PPIH: variants seen among roughly 807,000 people sequenced by gnomAD.
The protein encoded by PPIH is peptidyl-prolyl cis-trans isomerase H.
A neutral mutation model predicts 27.6 loss-of-function variants in PPIH; 16 were observed. The ratio of observed to expected loss-of-function variants is 0.58; its 90% CI spans 0.39 to 0.88. The LOEUF is 0.88. PPIH is among the 40% of genes least tolerant of loss of function. The probability of loss-of-function intolerance (pLI) is 0.00; values close to 1 mark genes in which losing one functional copy is unlikely to be tolerated. For missense variants in PPIH, 155 were observed against 224.1 expected, an observed-to-expected ratio of 0.69 and a Z score of 1.97; for synonymous variants, 63 against 76.1, an observed-to-expected ratio of 0.83 and a Z score of 0.90.
chr1:42,659,133 C>T (rs373063945), intron 2 of PPIH, 95 bp from the exon 3 acceptor site: 16 of 1,564,404 alleles, frequency 1.0e-5, no homozygotes, highest in South Asian at 2.4e-5. Context: ...GATTGGTGGA[C>T]TTGCTGGCTC....
downstream of PPIH, among the ~76,000 whole-genome samples, chr1:42,679,508 T>C (rs147567717): frequency 6.6e-6 from 1 of 152,326 alleles, no homozygotes; most frequent in African/African-American, 2.4e-5. Context: ...AAACAGCTTA[T>C]CCTCAGGCTC....
downstream of PPIH, chr1:42,681,277 C>T (rs1163689797): frequency 6.6e-6 from 1 of 151,964 alleles, no homozygotes; most frequent in Non-Finnish European, 1.5e-5. Flanking sequence ...AACTACTTGA[C>T]TGCATTTCCC....
intron 6 of PPIH, 126 bp downstream of exon 6, chr1:42,665,081 C>T (rs879544896): frequency 1.7e-4 from 124 of 747,244 alleles, no homozygotes; most frequent in Non-Finnish European, 2.5e-4. Context: ...CAGGACTCAC[C>T]TTTACCACCT....
At chr1:42,679,358 T>G (rs947476867), downstream of PPIH, among the ~76,000 whole-genome samples, 20 of 152,074 alleles carry the variant, frequency 1.3e-4, no homozygotes, top group African/African-American at 4.8e-4. Context: ...CCCAGATCAT[T>G]TTTGTATTTT....
intron 5 of PPIH, among the ~76,000 whole-genome samples, chr1:42,663,298 G>A (rs75205004): frequency 0.012 from 1,760 of 152,296 alleles, 37 homozygotes; most frequent in African/African-American, 0.04. Flanking sequence ...TAACTGTAAA[G>A]AGTAGGTAAT....
intron 9 of PPIH, among the ~76,000 whole-genome samples, chr1:42,675,839 A>C (rs940808475): frequency 2.0e-5 from 3 of 152,040 alleles, no homozygotes; most frequent in African/African-American, 4.8e-5. Flanking sequence ...TTTGTTCTGG[A>C]CCTCCACAGA....
intron 9 of PPIH, among the ~76,000 whole-genome samples, chr1:42,672,256 A>G (rs1174990576): frequency 6.6e-6 from 1 of 152,184 alleles, no homozygotes; most frequent in Non-Finnish European, 1.5e-5. Context: ...GTTCTGACTC[A>G]GTGGGTTTGG....
intron 9 of PPIH, chr1:42,675,381 A>G (rs1649832329): frequency 6.6e-6 from 1 of 152,284 alleles, no homozygotes; most frequent in Non-Finnish European, 1.5e-5. Flanking sequence ...AAGCCCAGAC[A>G]GTGGGTGCTC....
At chr1:42,662,018 CT>C (rs1340024355) in intron 5 of PPIH, among the ~76,000 whole-genome samples, 4 of 152,196 alleles carry the variant, frequency 2.6e-5, no homozygotes. Flanking sequence ...TTTACGTTGC[CT>C]GCTCCTGTGG....
intron 2 of PPIH, 85 bp from the exon 3 acceptor site, chr1:42,659,143 C>T: frequency 6.3e-7 from 1 of 1,582,110 alleles, no homozygotes; most frequent in Non-Finnish European, 8.6e-7. Context: ...CTTGCTGGCT[C>T]CAGTGTTTAT....
At chr1:42,659,186 G>A (rs754919235) in intron 2 of PPIH, 42 bp from the exon 3 acceptor site, 11 of 1,613,250 alleles carry the variant, frequency 6.8e-6, no homozygotes, top group Middle Eastern at 1.6e-4. Flanking sequence ...TCACGACTGT[G>A]ACATCATAGT....
chr1:42,658,954 G>C, intron 2 of PPIH, 46 bp downstream of exon 2: 1 of 1,597,828 alleles, frequency 6.3e-7, no homozygotes, highest in Non-Finnish European at 8.6e-7. Context: ...GGCAGAAGTC[G>C]GGCTCCAGTC....
intron 9 of PPIH, among the ~76,000 whole-genome samples, chr1:42,675,628 A>G (rs1649842830): frequency 6.6e-6 from 1 of 152,212 alleles, no homozygotes; most frequent in African/African-American, 2.4e-5. Flanking sequence ...TGCCTGCAGT[A>G]CGATGCCAGT....
intron 9 of PPIH, among the ~76,000 whole-genome samples, chr1:42,670,830 C>G (rs1218127105): frequency 6.6e-6 from 1 of 152,162 alleles, no homozygotes; most frequent in Non-Finnish European, 1.5e-5. Flanking sequence ...GAGTCTCGCT[C>G]TGTCGCCCAG....
At chr1:42,671,881 C>A (rs1300959857) in intron 9 of PPIH, among the ~76,000 whole-genome samples, 1 of 131,762 alleles carries the variant, frequency 7.6e-6, no homozygotes, top group African/African-American at 2.9e-5. Context: ...GTATTTCTTT[C>A]TTTCTTTTTT....
At chr1:42,664,460 C>T (rs1649218764) in intron 5 of PPIH, among the ~76,000 whole-genome samples, 2 of 152,094 alleles carry the variant, frequency 1.3e-5, no homozygotes, top group African/African-American at 4.8e-5. Context: ...GCTCACCCAC[C>T]CTCTTAGATA....
intron 5 of PPIH, among the ~76,000 whole-genome samples, chr1:42,661,659 G>A (rs948310798): frequency 3.9e-5 from 6 of 152,008 alleles, no homozygotes; most frequent in Non-Finnish European, 7.4e-5. Flanking sequence ...TGTTTTCTTG[G>A]ATCTGGGAGA....
intron 3 of PPIH, 32 bp from the exon 4 acceptor site, chr1:42,659,490 G>T: frequency 1.2e-6 from 2 of 1,614,202 alleles, no homozygotes; most frequent in Non-Finnish European, 1.7e-6. Flanking sequence ...GCTACCTGCT[G>T]TCACTCCAAG....
In PPIH at chr1:42,659,216, TG is replaced by T. The variant is rs1224222897; in HGVS notation, c.132-11del. 1.2e-6 allele frequency: 2 copies of T among 1,614,084 alleles called. No homozygotes were observed. Among genetic ancestry groups the T allele is most frequent in the Non-Finnish European group, 1.7e-6 (2 of 1,180,036 alleles). On this transcript the variant is annotated splice_polypyrimidine_tract_variant and intron_variant, in intron 2 of 9. Transcript: ENST00000304979. ...CATAGTGATTGAATCATTCATTTTT[TG>T]TCCCTTTCAGGCAGTTCTGCACCGG... is the stretch of plus-strand genomic sequence containing the variant.
Sources: allele counts gnomAD v4.1 joint callset (sites outside exome capture counted in the v4.1 genomes callset), GRCh38; gene constraint gnomAD v4.1.1; transcripts MANE v1.5; gene names NCBI Gene and HGNC (gene_info 2026-07-23, HGNC 2026-07-21).